TRPM3: variants seen among roughly 807,000 people sequenced by gnomAD.
TRPM3 encodes the protein transient receptor potential cation channel subfamily M member 3, also known as long transient receptor potential channel 3.
A neutral mutation model predicts 181.2 loss-of-function variants in TRPM3; 77 were observed. That is an observed-to-expected ratio of 0.42 (90% CI 0.35 to 0.51). The LOEUF (loss-of-function observed/expected upper bound fraction) is 0.51. TRPM3 is among the 20% of genes least tolerant of loss of function. The pLI, the probability that TRPM3 is intolerant of heterozygous loss-of-function variation, is 0.01. For synonymous variants in TRPM3, 745 were observed against 796.4 expected (o/e 0.94, Z 1.09); for missense variants, 1,759 against 2,196.7 (o/e 0.80, Z 3.98).
At chr9:70,878,771 A>C (rs1449632749) in intron 1 of TRPM3, among the ~76,000 whole-genome samples, 4 of 152,074 alleles carry the variant, frequency 2.6e-5, no homozygotes, top group Non-Finnish European at 4.4e-5. Flanking sequence ...TGTGCAGTGC[A>C]TGGTCCAGAA....
intron 1 of TRPM3, among the ~76,000 whole-genome samples, chr9:71,187,280 T>C (rs185646696): frequency 1.2e-3 from 177 of 152,144 alleles, no homozygotes; most frequent in Non-Finnish European, 2.0e-3. Flanking sequence ...TTTTTCTACA[T>C]AGTTTGATCC....
intron 1 of TRPM3, among the ~76,000 whole-genome samples, chr9:71,325,633 C>T (rs1459786710): frequency 6.6e-6 from 1 of 152,042 alleles, no homozygotes; most frequent in East Asian, 1.9e-4. Context: ...ATTGCTTAGG[C>T]AGGAAGAAGG....
At chr9:70,983,930 T>A (rs779573550) in intron 1 of TRPM3, among the ~76,000 whole-genome samples, 7 of 152,276 alleles carry the variant, frequency 4.6e-5, no homozygotes, top group Admixed American at 1.3e-4. Flanking sequence ...GTTGGCTTCC[T>A]GGGGTGGTTA....
intron 1 of TRPM3, among the ~76,000 whole-genome samples, chr9:71,308,551 A>G (rs1263460143): frequency 6.6e-6 from 1 of 152,212 alleles, no homozygotes; most frequent in Admixed American, 6.5e-5. Flanking sequence ...TAACACTCTT[A>G]AAGAACCTAA....
At chr9:71,288,127 A>C (rs2132249226) in intron 1 of TRPM3, among the ~76,000 whole-genome samples, 1 of 152,018 alleles carries the variant, frequency 6.6e-6, no homozygotes, top group Non-Finnish European at 1.5e-5. Context: ...CTTAAAGTCA[A>C]GGTTTTCCCC....
At chr9:71,433,198 GT>G (rs2093983805) in intron 1 of TRPM3, among the ~76,000 whole-genome samples, 1 of 152,124 alleles carries the variant, frequency 6.6e-6, no homozygotes, top group African/African-American at 2.4e-5. Context: ...CTCTGATATG[GT>G]TTTGCTATGT....
intron 1 of TRPM3, among the ~76,000 whole-genome samples, chr9:71,190,488 T>C (rs1319584466): frequency 1.3e-5 from 2 of 151,844 alleles, no homozygotes; most frequent in African/African-American, 4.8e-5. Flanking sequence ...CATCCGATAA[T>C]CTTATTTATA....
At chr9:71,233,273 T>G (rs565471179) in intron 1 of TRPM3, among the ~76,000 whole-genome samples, 15 of 152,220 alleles carry the variant, frequency 9.9e-5, no homozygotes, top group Non-Finnish European at 1.9e-4. Flanking sequence ...AAAGACTCCA[T>G]GCTTCATTAT....
At chr9:71,416,921 A>G (rs2093644807) in intron 1 of TRPM3, among the ~76,000 whole-genome samples, 1 of 152,042 alleles carries the variant, frequency 6.6e-6, no homozygotes, top group Non-Finnish European at 1.5e-5. Context: ...AAATAGAATC[A>G]TACAATATGT....
At chr9:71,191,916 G>A (rs1011128497) in intron 1 of TRPM3, among the ~76,000 whole-genome samples, 5 of 151,712 alleles carry the variant, frequency 3.3e-5, no homozygotes, top group African/African-American at 4.8e-5. Flanking sequence ...TCCTGACCTG[G>A]AGAGTGAATG....
chr9:70,605,569 G>T (rs918280337), intron 19 of TRPM3, among the ~76,000 whole-genome samples: 1 of 151,888 alleles, frequency 6.6e-6, no homozygotes, highest in African/African-American at 2.4e-5. Flanking sequence ...AAATTGTGTA[G>T]GACGCTGTTT....
At chr9:71,257,366 A>G (rs1056885197) in intron 1 of TRPM3, among the ~76,000 whole-genome samples, 3 of 152,174 alleles carry the variant, frequency 2.0e-5, no homozygotes, top group Admixed American at 6.6e-5. Flanking sequence ...GTTGTCAAAT[A>G]GAGTAACTTA....
rs189531779 is a variant in TRPM3 at position 70,567,927 on chromosome 9, C to T, written c.3224-14617G>A. Among the ~76,000 whole-genome samples the T allele has an allele frequency of 6.3e-4, 95 of 151,978 alleles. No individual in the cohort carries two copies. The Middle Eastern group carries it at 0.01, about 16-fold the overall frequency. On this transcript the variant is annotated intron_variant, in intron 22 of 25. Transcript: ENST00000677713. ...CATTCTCAATGATCATACAAATATA[C>T]GCATACACACACAGGAGAGAGAGAA...
chr9:70,826,670 T>C (rs1008465382), intron 6 of TRPM3: 8 of 152,062 alleles, frequency 5.3e-5, no homozygotes, highest in Admixed American at 6.6e-5. Context: ...CAGAGAAAAA[T>C]CTAGAGAAGG....
intron 1 of TRPM3, among the ~76,000 whole-genome samples, chr9:71,211,277 C>T (rs924880727): frequency 1.3e-5 from 2 of 152,054 alleles, no homozygotes; most frequent in Non-Finnish European, 2.9e-5. Flanking sequence ...CACTGATGTT[C>T]TGCTTCCTTT....
intron 1 of TRPM3, among the ~76,000 whole-genome samples, chr9:71,420,815 G>GAGAA (rs2093737632): frequency 4.9e-4 from 1 of 2,032 alleles, no homozygotes; most frequent in African/African-American, 3.1e-3. Context: ...GAGAAAGAAA[G>GAGAA]AGAGAAAGAG....
chr9:70,834,978 G>A (rs1431791001), intron 5 of TRPM3, among the ~76,000 whole-genome samples: 2 of 152,156 alleles, frequency 1.3e-5, no homozygotes, highest in East Asian at 3.9e-4. Context: ...TGGGTCATGG[G>A]GTAGATCCTT....
At chr9:70,667,982 TA>T (rs2062079980) in intron 9 of TRPM3, among the ~76,000 whole-genome samples, 1 of 152,200 alleles carries the variant, frequency 6.6e-6, no homozygotes, top group African/African-American at 2.4e-5. Context: ...CCTTTTAATA[TA>T]AAACTGGTCA....
At chr9:71,039,855 C>T (rs1035464926) in intron 1 of TRPM3, among the ~76,000 whole-genome samples, 1 of 152,118 alleles carries the variant, frequency 6.6e-6, no homozygotes, top group South Asian at 2.1e-4. Flanking sequence ...ATTAGTATTA[C>T]ATCCTGTATC....
Sources: allele counts gnomAD v4.1 joint callset (sites outside exome capture counted in the v4.1 genomes callset), GRCh38; gene constraint gnomAD v4.1.1; transcripts MANE v1.5; gene names NCBI Gene and HGNC (gene_info 2026-07-23, HGNC 2026-07-21).